DHRS12: variants seen among roughly 807,000 people sequenced by gnomAD.
DHRS12 encodes dehydrogenase/reductase 12, also known as dehydrogenase/reductase SDR family member 12.
DHRS12 carries 29 observed loss-of-function variants against 32.1 expected under a neutral mutation model. The observed-to-expected ratio is 0.90, with a 90% CI of 0.67 to 1.23. The LOEUF (loss-of-function observed/expected upper bound fraction) is 1.23. Among genes scored for constraint, DHRS12 ranks in the 50% most tolerant of loss-of-function variants. The pLI, the probability that DHRS12 is intolerant of heterozygous loss-of-function variation, is 0.00. For synonymous variants in DHRS12, 150 were observed against 135.9 expected, an observed-to-expected ratio of 1.10 and a Z score of -0.72; for missense variants, 330 against 337.2, an observed-to-expected ratio of 0.98 and a Z score of 0.17.
chr13:51,757,160 GTAGTC>G, the DHRS12 span, among the ~76,000 whole-genome samples: 1 of 152,090 alleles, frequency 6.6e-6, no homozygotes, highest in East Asian at 1.9e-4. Flanking sequence ...AAAATCATAA[GTAGTC>G]TTATTTATCC....
the DHRS12 span, chr13:51,756,671 C>G: frequency 1.0e-6 from 1 of 982,312 alleles, no homozygotes; most frequent in South Asian, 4.7e-5. Flanking sequence ...TCAAAGAATT[C>G]ATCTCTGTGT....
chr13:51,759,887 G>C, the DHRS12 span: 4 of 1,186,654 alleles, frequency 3.4e-6, no homozygotes, highest in Admixed American at 8.7e-5. Context: ...TAAAGACCCT[G>C]AATGAATTTG....
At chr13:51,755,646 G>A in the DHRS12 span, among the ~76,000 whole-genome samples, 1 of 152,294 alleles carries the variant, frequency 6.6e-6, no homozygotes, top group East Asian at 1.9e-4. Flanking sequence ...TTCAGTTTCT[G>A]TAGTGGTTGG....
chr13:51,772,825 G>A (rs1195946098), intron 6 of DHRS12: 3 of 985,332 alleles, frequency 3.0e-6, no homozygotes, highest in Non-Finnish European at 3.6e-6. Flanking sequence ...AAGAAGTGCA[G>A]GTCTTTCAAA....
chr13:51,780,624 T>C (rs913622336), intron 4 of DHRS12, among the ~76,000 whole-genome samples: 11 of 152,358 alleles, frequency 7.2e-5, no homozygotes, highest in African/African-American at 2.2e-4. Flanking sequence ...CATAGTCTTC[T>C]AAATATGGCA....
chr13:51,755,135 T>C, the DHRS12 span, among the ~76,000 whole-genome samples: 2 of 152,220 alleles, frequency 1.3e-5, no homozygotes, highest in African/African-American at 4.8e-5. Context: ...TTATTAATCA[T>C]ATTTTCATGA....
chr13:51,791,087 T>C, intron 3 of DHRS12, 78 bp downstream of exon 3: 2 of 973,364 alleles, frequency 2.1e-6, no homozygotes, highest in South Asian at 1.9e-5. Context: ...CAGGCAAACA[T>C]ACATATCCGT....
At chr13:51,792,927 CTT>C (rs954917862) in intron 2 of DHRS12, among the ~76,000 whole-genome samples, 6 of 144,128 alleles carry the variant, frequency 4.2e-5, no homozygotes, top group Admixed American at 1.4e-4. Context: ...TGCTGCTGAT[CTT>C]TTTTTTTTTT....
intron 4 of DHRS12, among the ~76,000 whole-genome samples, chr13:51,787,873 A>ATG (rs1351081193): frequency 7.6e-6 from 1 of 131,520 alleles, no homozygotes; most frequent in African/African-American, 2.9e-5. Flanking sequence ...ATATAAATAT[A>ATG]TAATTATATA....
chr13:51,756,273 C>A, the DHRS12 span: 1 of 1,560,514 alleles, frequency 6.4e-7, no homozygotes, highest in Non-Finnish European at 8.7e-7. Flanking sequence ...GGGTGAGATG[C>A]GGGGGCCTCA....
chr13:51,768,142 G>C lies in DHRS12; in HGVS notation c.*45C>G. On this transcript the variant is annotated 3_prime_UTR_variant, in exon 9 of 9. Transcript: ENST00000444610. ...ACTGGTCCCTAGACCGCACCTTCTG[G>C]TATCTTCTAAGGCAATTCTGGTACC... 1 of 1,535,676 alleles carries C rather than the reference G, an allele frequency of 6.5e-7. No individual in the cohort carries two copies. Among genetic ancestry groups the C allele is most frequent in the Non-Finnish European group, 8.7e-7 (1 of 1,146,612 alleles).
At chr13:51,764,643 C>T (rs1459288174), downstream of DHRS12, 1 of 152,240 alleles carries the variant, frequency 6.6e-6, no homozygotes, top group Non-Finnish European at 1.5e-5. Flanking sequence ...CCCAGAGGCT[C>T]CTCCTGCAGC....
chr13:51,761,444 G>A, the DHRS12 span: 1 of 152,150 alleles, frequency 6.6e-6, no homozygotes, highest in East Asian at 1.9e-4. Flanking sequence ...TCAACCTCAC[G>A]TGTCGGGAGC....
At chr13:51,797,489 G>A (rs568133047) in intron 2 of DHRS12, among the ~76,000 whole-genome samples, 2 of 152,290 alleles carry the variant, frequency 1.3e-5, no homozygotes, top group South Asian at 4.1e-4. Context: ...GTGGCACCCG[G>A]GTGACCCTTG....
intron 2 of DHRS12, among the ~76,000 whole-genome samples, chr13:51,796,690 T>C (rs1413594584): frequency 6.6e-6 from 1 of 152,232 alleles, no homozygotes; most frequent in African/African-American, 2.4e-5. Flanking sequence ...AGTATTCTTG[T>C]TGCATCCTGC....
Position 51,771,915 on chromosome 13 carries a change from G to A in DHRS12, c.469-4C>T. The A allele has an allele frequency of 6.2e-7, 1 of 1,614,058 alleles. No individual in the cohort carries two copies. The highest frequency in any genetic ancestry group is 8.5e-7 in the Non-Finnish European group (1 of 1,179,994). The stretch of plus-strand genomic sequence containing the variant: ...CCGTCAGAACCACTTGCTGCCTCTG[G>A]ACAGGAAGGAGCGAGGGGGTGAACA... On this transcript the variant is annotated splice_region_variant and splice_polypyrimidine_tract_variant and intron_variant, in intron 6 of 8. Coordinates refer to ENST00000444610, the MANE Select transcript of DHRS12 (RefSeq NM_001377533.1).
chr13:51,777,870 T>A (rs780204388), intron 4 of DHRS12, among the ~76,000 whole-genome samples: 15 of 152,254 alleles, frequency 9.9e-5, no homozygotes, highest in African/African-American at 2.4e-4. Flanking sequence ...TGTATTTTTT[T>A]AAACAATGAA....
At chr13:51,802,337 GC>G (rs1347343049) in intron 1 of DHRS12, among the ~76,000 whole-genome samples, 3 of 152,198 alleles carry the variant, frequency 2.0e-5, no homozygotes, top group Non-Finnish European at 2.9e-5. Flanking sequence ...GAAATGCCCT[GC>G]CTACTGACTC....
intron 2 of DHRS12, 60 bp from the exon 3 acceptor site, chr13:51,791,317 T>A: frequency 9.7e-7 from 1 of 1,031,204 alleles, no homozygotes; most frequent in Non-Finnish European, 1.4e-6. Flanking sequence ...CTAGCACTTT[T>A]AATTTTAAAA....
Sources: allele counts gnomAD v4.1 joint callset (sites outside exome capture counted in the v4.1 genomes callset), GRCh38; gene constraint gnomAD v4.1.1; transcripts MANE v1.5; gene names NCBI Gene and HGNC (gene_info 2026-07-23, HGNC 2026-07-21).